Variants in ABCB6 observed in about 807,000 individuals in gnomAD.
ABCB6 encodes the protein ATP binding cassette subfamily B member 6 (LAN blood group), also known as ATP-binding cassette sub-family B member 6.
Under a neutral mutation model 99.4 loss-of-function variants are expected in ABCB6, and 87 were observed. The observed-to-expected ratio is 0.88, with a 90% CI of 0.74 to 1.05. The LOEUF (loss-of-function observed/expected upper bound fraction) is 1.05, where lower values mean the gene tolerates loss of function less well. ABCB6 is among the 50% of genes least tolerant of loss of function. ABCB6 has a pLI of 0.00. For synonymous variants in ABCB6, 482 were observed against 447.5 expected (o/e 1.08, Z -0.97); for missense variants, 1,050 against 1,097.9 (o/e 0.96, Z 0.62).
chr2:219,218,064 T>C (rs562637542), intron 1 of ABCB6, 61 bp downstream of exon 1: 28 of 1,530,452 alleles, frequency 1.8e-5, no homozygotes, highest in Non-Finnish European at 2.4e-5. Flanking sequence ...TGACTGGACA[T>C]GCAGTGCTTT....
In ABCB6 at chr2:219,216,829, G is replaced by GA; in HGVS notation, c.690dup (p.Arg231SerfsTer57). ...CAGGTAGACTGTTGGGCTGCTGACC[G>GA]AACCTAGGATGGTGAAACACGTAGG... On this transcript the variant is annotated frameshift_variant, in exon 3 of 19. Coordinates refer to ENST00000265316, the MANE Select transcript of ABCB6 (RefSeq NM_005689.4). LOFTEE classifies it high-confidence loss of function. The surrounding 1 kb of genome is among the most constrained non-coding windows in gnomAD (Gnocchi z 4.2). The GA allele has an allele frequency of 6.2e-7, 1 of 1,611,072 alleles. No homozygotes were observed. Among genetic ancestry groups the GA allele is most frequent in the Non-Finnish European group, 8.5e-7 (1 of 1,179,038 alleles).
At chr2:219,217,853 T>G in intron 1 of ABCB6, 46 bp from the exon 2 acceptor site, 1 of 1,603,660 alleles carries the variant, frequency 6.2e-7, no homozygotes, top group South Asian at 1.1e-5. Flanking sequence ...GGATAAAATT[T>G]CATTGTATTA....
intron 16 of ABCB6, 57 bp downstream of exon 16, chr2:219,210,654 G>A: frequency 6.2e-7 from 1 of 1,609,838 alleles, no homozygotes; most frequent in Non-Finnish European, 8.5e-7. Context: ...CAGTGCCCAG[G>A]AGGAACGGCT....
chr2:219,211,407 A>G (rs1194731003), intron 14 of ABCB6, among the ~76,000 whole-genome samples: 1 of 150,702 alleles, frequency 6.6e-6, no homozygotes, highest in Non-Finnish European at 1.5e-5. Context: ...GGCTCATGCA[A>G]TCCTCCTACC....
At position 219,212,489 on chromosome 2, in the gene ABCB6, C is replaced by G. The variant is rs756900614; in HGVS notation, c.1866G>C (p.Val622=). The part of the protein sequence containing the change: ...TVMPGQTLAL[V]GPSGAGKSTI... ...TGCTCTTCCCTGCCCCAGATGGGCC[C>G]ACCTGTTGCATTGGAAATGGGAAAA... Residue 622 remains valine (V), a splice_region_variant and synonymous_variant, in exon 14 of 19, where the codon GTG becomes GTC. Coordinates refer to ENST00000265316, the MANE Select transcript of ABCB6 (RefSeq NM_005689.4). The G allele has an allele frequency of 3.1e-6, 5 of 1,613,168 alleles. No homozygotes were observed. In the South Asian group the frequency reaches 5.5e-5, roughly 18 times the overall value.
intron 13 of ABCB6, 49 bp downstream of exon 13, chr2:219,212,959 A>G: frequency 6.3e-7 from 1 of 1,596,894 alleles, no homozygotes; most frequent in Non-Finnish European, 8.6e-7. Context: ...TGGGCACTGA[A>G]TGAGGGAAGC....
Position 219,210,561 on chromosome 2 carries a change from T to C in ABCB6, c.2257-86A>G, listed in dbSNP as rs1950563874. 3.1e-6 allele frequency: 5 copies of C among 1,589,282 alleles called. No homozygotes were observed. The East Asian group carries it at 1.1e-4, about 36-fold the overall frequency. On this transcript the variant is annotated intron_variant, in intron 16 of 18. Coordinates refer to ENST00000265316, the MANE Select transcript of ABCB6 (RefSeq NM_005689.4). ...AGGCTGCTGGCTGAGGCCTCAAGAA[T>C]ACACAAGAGCCTTGTTTGGGCTTGA... is the stretch of plus-strand genomic sequence containing the variant.
chr2:219,216,959 T>TG lies in ABCB6; in HGVS notation c.688-128dup. On this transcript the variant is annotated intron_variant, in intron 2 of 18. Transcript: ENST00000265316. The surrounding 1 kb of genome is among the most constrained non-coding windows in gnomAD (Gnocchi z 4.2). Reference sequence around the variant, plus strand: ...TCTCAGACCCACAAGTGATCCTTGATGGGGTCAGAAAAACTAAGTTGCAAA... The same window carrying TG: ...TCTCAGACCCACAAGTGATCCTTGATGGGGGTCAGAAAAACTAAGTTGCAAA... 2 of 803,128 alleles carry TG rather than the reference T, an allele frequency of 2.5e-6. No homozygotes were observed. Among genetic ancestry groups the TG allele is most frequent in the East Asian group, 2.8e-5 (1 of 36,334 alleles). 49.8% of individuals were successfully genotyped at this position (803,128 alleles called of 1,614,324 possible). A position where few individuals can be genotyped will look rare whatever the true frequency, so the allele number is the denominator to read the frequency against.
intron 14 of ABCB6, 77 bp downstream of exon 14, chr2:219,212,310 T>C (rs1950588424): frequency 7.8e-7 from 1 of 1,290,156 alleles, no homozygotes; most frequent in Non-Finnish European, 1.1e-6. Context: ...TGACATCTCC[T>C]CTCTCTGGAC....
Position 219,218,324 on chromosome 2 carries a change from G to T in ABCB6, c.350C>A (p.Ala117Asp). Reference sequence around the variant, plus strand: ...AAGCAGCCACAGGCCACAGGCGCCGGCCAGACTCTCCAGCACGGAGGCCAG... The same window carrying T: ...AAGCAGCCACAGGCCACAGGCGCCGTCCAGACTCTCCAGCACGGAGGCCAG... ...LLLASVLESL[A>D]GACGLWLLVV... The change falls in exon 1 of 19, where the codon GCC (alanine) becomes GAC (aspartate). Residue 117 changes from alanine to aspartate, a missense_variant. Ala to Asp is a moderately radical substitution (Grantham distance 126). Coordinates refer to ENST00000265316, the MANE Select transcript of ABCB6 (RefSeq NM_005689.4). 6.2e-7 allele frequency: 1 copy of T among 1,613,272 alleles called. No homozygotes were observed. Among genetic ancestry groups the T allele is most frequent in the Non-Finnish European group, 8.5e-7 (1 of 1,180,042 alleles).
In ABCB6 at chr2:219,218,800, G is replaced by A; in HGVS notation, c.-127C>T. ...GTAGCCGCTGGGCGCCAAGCTGCGG[G>A]GGTCCCGGGAAGGGACGCACGTGGA... On this transcript the variant is annotated 5_prime_UTR_variant, in exon 1 of 19. Transcript: ENST00000265316. The A allele has an allele frequency of 8.9e-7, 1 of 1,122,270 alleles. No individual in the cohort carries two copies. The highest frequency in any genetic ancestry group is 1.7e-5 in the South Asian group (1 of 58,744). 69.5% of individuals were successfully genotyped at this position (1,122,270 alleles called of 1,614,324 possible). A position where few individuals can be genotyped will look rare whatever the true frequency, so the allele number is the denominator to read the frequency against.
rs555481750 is a variant in ABCB6 at position 219,217,847 on chromosome 2, A to G, written c.550-40T>C. Reference sequence around the variant, plus strand: ...AAGTGGAGAGAGTATCATTGAGGATAAAATTTCATTGTATTACTACTTATA... The same window carrying G: ...AAGTGGAGAGAGTATCATTGAGGATGAAATTTCATTGTATTACTACTTATA... On this transcript the variant is annotated intron_variant, in intron 1 of 18. Coordinates refer to ENST00000265316, the MANE Select transcript of ABCB6 (RefSeq NM_005689.4). The G allele has an allele frequency of 1.6e-5, 26 of 1,604,846 alleles. 2 individuals carry two copies. The South Asian group carries it at 2.8e-4, about 17-fold the overall frequency.
chr2:219,214,502 G>C lies in ABCB6; in HGVS notation c.1277-4C>G, dbSNP rs775060800. 1.2e-6 allele frequency: 2 copies of C among 1,606,410 alleles called. No individual in the cohort carries two copies. Among genetic ancestry groups the C allele is most frequent in the African/African-American group, 1.3e-5 (1 of 74,870 alleles). ...TCAGTGACCACAATGGTCAGGGCTG[G>C]AGAGTGACAGGATGGGGAGCAGAAT... is the stretch of plus-strand genomic sequence containing the variant. On this transcript the variant is annotated splice_polypyrimidine_tract_variant and splice_region_variant and intron_variant, in intron 6 of 18. Transcript: ENST00000265316.
chr2:219,212,811 C>T (rs1290163857), intron 13 of ABCB6, among the ~76,000 whole-genome samples, 197 bp downstream of exon 13: 4 of 151,718 alleles, frequency 2.6e-5, no homozygotes, highest in Non-Finnish European at 1.5e-5. Flanking sequence ...CATGTGCCAC[C>T]GCAGCCGGCC....
chr2:219,214,362 C>T (rs1450611359), intron 7 of ABCB6, 27 bp downstream of exon 7: 9 of 1,590,036 alleles, frequency 5.7e-6, no homozygotes, highest in East Asian at 2.2e-5. Flanking sequence ...CCACGCCTCA[C>T]ACCACTGCCA....
chr2:219,217,873 A>G (rs1186564104), intron 1 of ABCB6, 66 bp from the exon 2 acceptor site: 1 of 1,571,750 alleles, frequency 6.4e-7, no homozygotes, highest in Non-Finnish European at 8.6e-7. Flanking sequence ...ACTACTTATA[A>G]TAGGGCCGGG....
Position 219,217,735 on chromosome 2 carries a change from C to T in ABCB6, c.622G>A (p.Gly208Arg), listed in dbSNP as rs369819169. 6.4e-5 allele frequency: 103 copies of T among 1,613,940 alleles called. No individual in the cohort carries two copies. Among genetic ancestry groups the T allele is most frequent in the Non-Finnish European group, 8.6e-5 (101 of 1,179,976 alleles). ...GLFVLGLWAP[G>R]LRPQSYTLQV... ...AATGTATAGGACTGGGGACGAAGTC[C>T]AGGGGCCCAGAGACCCAGGACAAAC... is the stretch of plus-strand genomic sequence containing the variant. Residue 208 changes from glycine to arginine, a missense_variant, in exon 2 of 19, where the codon GGA (glycine) becomes AGA (arginine). Gly to Arg is a moderately radical substitution (Grantham distance 125, BLOSUM62 -2). Transcript: ENST00000265316.
At chr2:219,214,571 T>C in intron 6 of ABCB6, 73 bp from the exon 7 acceptor site, 13 of 1,111,678 alleles carry the variant, frequency 1.2e-5, no homozygotes, top group Admixed American at 1.7e-5. Context: ...CAATGTCCAC[T>C]ACCTGCCATG....
At position 219,218,486 on chromosome 2, in the gene ABCB6, G is replaced by A. The variant is rs1275156036; in HGVS notation, c.188C>T (p.Ser63Phe). Reference protein sequence around the residue: ...RERPAGADSLSWGAGPRISPY... With the variant: ...RERPAGADSLFWGAGPRISPY... The stretch of plus-strand genomic sequence containing the variant: ...AGAGATGCGAGGGCCGGCCCCCCAA[G>A]ACAGCGAATCAGCACCAGCGGGCCG... Residue 63 changes from serine to phenylalanine, a missense_variant, in exon 1 of 19, where the codon TCT becomes TTT. By Grantham distance (155) the Ser-to-Phe change is radical (BLOSUM62 -2). Transcript: ENST00000265316. 1.9e-6 allele frequency: 3 copies of A among 1,608,576 alleles called. No individual in the cohort carries two copies. Among genetic ancestry groups the A allele is most frequent in the African/African-American group, 1.3e-5 (1 of 74,910 alleles).
Sources: gnomAD v4.1 joint callset for allele counts (sites outside exome capture counted in the v4.1 genomes callset) on GRCh38, gnomAD v4.1.1 for gene constraint, Gnocchi (gnomAD v3.1) non-coding constraint, MANE v1.5 for transcripts, NCBI Gene and HGNC (gene_info 2026-07-23, HGNC 2026-07-21) for gene names.